Variants in CACNA1S observed in about 807,000 individuals in gnomAD.
CACNA1S encodes calcium voltage-gated channel subunit alpha1 S.
Under a neutral mutation model 207.4 loss-of-function variants are expected in CACNA1S, and 126 were observed. The ratio of observed to expected loss-of-function variants is 0.61; its 90% CI spans 0.53 to 0.70. The LOEUF is 0.70. CACNA1S is among the 30% of genes least tolerant of loss of function. CACNA1S has a pLI of 0.00. For synonymous variants in CACNA1S, 960 were observed against 932.7 expected (o/e 1.03, Z -0.53); for missense variants, 2,349 against 2,422.8 (o/e 0.97, Z 0.64).
Position 201,075,615 on chromosome 1 carries a change from C to G in CACNA1S, c.1828G>C (p.Val610Leu). ...FPQALISVFQVLTGEDWTSMM... is the reference protein window; with the variant it reads ...FPQALISVFQLLTGEDWTSMM... The stretch of plus-strand genomic sequence containing the variant: ...GAGGTCCAGTCTTCCCCTGTCAGTA[C>G]CTGTATGGAGGGAGGATAGAGGGCT... The change falls in exon 13 of 44, where the codon GTA becomes CTA. Residue 610 changes from valine to leucine, a missense_variant and splice_region_variant. By Grantham distance (32) the Val-to-Leu change is conservative. Transcript: ENST00000362061. 6.2e-7 allele frequency: 1 copy of G among 1,614,076 alleles called. No individual in the cohort carries two copies. Among genetic ancestry groups the G allele is most frequent in the Non-Finnish European group, 8.5e-7 (1 of 1,179,920 alleles).
At chr1:201,048,229 T>C (rs1660537261) in intron 36 of CACNA1S, among the ~76,000 whole-genome samples, 1 of 152,192 alleles carries the variant, frequency 6.6e-6, no homozygotes, top group Non-Finnish European at 1.5e-5. Context: ...TGGAGTCGAA[T>C]GTGGACTCCC....
Position 201,051,223 on chromosome 1 carries a change from G to T in CACNA1S, c.3954-80C>A, listed in dbSNP as rs146379117. 1,628 of 1,475,404 alleles carry T rather than the reference G, an allele frequency of 1.1e-3. 17 individuals are homozygous for T. The African/African-American group carries it at 0.02, about 18-fold the overall frequency. 91.4% of individuals were successfully genotyped at this position (1,475,404 alleles called of 1,614,324 possible). A position where few individuals can be genotyped will look rare whatever the true frequency, so the allele number is the denominator to read the frequency against. On this transcript the variant is annotated intron_variant, in intron 32 of 43. Transcript: ENST00000362061. ...AGGCTGGCAGTCAGGTGGCAGCAGG[G>T]TGTGGACAGATGAGCAAACTGGGGC...
Position 201,044,366 on chromosome 1 carries a change from C to G in CACNA1S, c.4759G>C (p.Ala1587Pro). Reference sequence around the variant, plus strand: ...TCCTCCATCGCAGCCTCCACCATGGCTCTCTCCAGCTCCTCCTCAGCAGCC... The same window carrying G: ...TCCTCCATCGCAGCCTCCACCATGGGTCTCTCCAGCTCCTCCTCAGCAGCC... ...DLAAEEELER[A>P]MVEAAMEEGI... Residue 1587 changes from alanine (A) to proline (P), a missense_variant, in exon 39 of 44, where the codon GCC becomes CCC. Ala to Pro is a conservative substitution (Grantham distance 27). Coordinates refer to ENST00000362061, the MANE Select transcript of CACNA1S (RefSeq NM_000069.3). 6.2e-7 allele frequency: 1 copy of G among 1,613,718 alleles called. No individual in the cohort carries two copies. The highest frequency in any genetic ancestry group is 1.1e-5 in the South Asian group (1 of 91,044).
Position 201,041,691 on chromosome 1 carries a change from A to G in CACNA1S, c.5049-102T>C, listed in dbSNP as rs924375546. 14 of 850,252 alleles carry G rather than the reference A, an allele frequency of 1.6e-5. No individual in the cohort carries two copies. In the African/African-American group the frequency reaches 2.0e-4, roughly 12 times the overall value. 52.7% of individuals were successfully genotyped at this position (850,252 alleles called of 1,614,324 possible). A position where few individuals can be genotyped will look rare whatever the true frequency, so the allele number is the denominator to read the frequency against. Reference sequence around the variant, plus strand: ...CATCCTTTTCCCTCAGAGCCTGTACAAGGCCAACCTAGTGTAGCAGCCGTG... The same window carrying G: ...CATCCTTTTCCCTCAGAGCCTGTACGAGGCCAACCTAGTGTAGCAGCCGTG... On this transcript the variant is annotated intron_variant, in intron 40 of 43. Coordinates refer to ENST00000362061, the MANE Select transcript of CACNA1S (RefSeq NM_000069.3).
chr1:201,092,247 G>A, intron 3 of CACNA1S, 133 bp from the exon 4 acceptor site: 1 of 841,826 alleles, frequency 1.2e-6, no homozygotes, highest in South Asian at 1.5e-5. Flanking sequence ...AAATACGGGT[G>A]CATCAACTAA....
chr1:201,052,150 G>A (rs376323558), intron 32 of CACNA1S, among the ~76,000 whole-genome samples: 2 of 152,162 alleles, frequency 1.3e-5, no homozygotes, highest in Non-Finnish European at 2.9e-5. Context: ...AGGCCCCTGC[G>A]CCCTACCTGT....
intron 29 of CACNA1S, among the ~76,000 whole-genome samples, chr1:201,054,082 A>C (rs994232461): frequency 5.9e-5 from 9 of 152,228 alleles, no homozygotes; most frequent in Non-Finnish European, 1.2e-4. Context: ...GGCTGTTCTA[A>C]GCCAGGCAAG....
chr1:201,109,138 C>T (rs1172573491), intron 2 of CACNA1S, among the ~76,000 whole-genome samples: 3 of 151,664 alleles, frequency 2.0e-5, no homozygotes, highest in Non-Finnish European at 2.9e-5. Flanking sequence ...ATCCCAGCTA[C>T]TTGGGAGGCT....
At chr1:201,102,540 C>T (rs1662716213) in intron 2 of CACNA1S, among the ~76,000 whole-genome samples, 2 of 152,202 alleles carry the variant, frequency 1.3e-5, no homozygotes. Flanking sequence ...TGCCCAGCTC[C>T]CACTGAGAGT....
At chr1:201,074,357 T>G in intron 14 of CACNA1S, 149 bp downstream of exon 14, 1 of 690,764 alleles carries the variant, frequency 1.4e-6, no homozygotes, top group Non-Finnish European at 2.7e-6. Context: ...GCCACCCCCA[T>G]GTGCAGGTTA....
At chr1:201,049,156 T>G in intron 34 of CACNA1S, 57 bp from the exon 35 acceptor site, 1 of 1,238,828 alleles carries the variant, frequency 8.1e-7, no homozygotes, top group Non-Finnish European at 1.2e-6. Flanking sequence ...GCCAGAACCT[T>G]TCTGCTCAGA....
At chr1:201,093,679 G>T (rs149604527) in intron 3 of CACNA1S, among the ~76,000 whole-genome samples, 1 of 152,274 alleles carries the variant, frequency 6.6e-6, no homozygotes, top group South Asian at 2.1e-4. Context: ...TTTGACCTGC[G>T]GGCAGGGTCG....
chr1:201,076,893 G>C, intron 12 of CACNA1S, 27 bp downstream of exon 12: 1 of 1,597,730 alleles, frequency 6.3e-7, no homozygotes, highest in African/African-American at 1.3e-5. Flanking sequence ...CCGTTCAGAA[G>C]GAGGGACACG....
Position 201,044,384 on chromosome 1 carries a change from C to T in CACNA1S, c.4741G>A (p.Glu1581Lys). The T allele has an allele frequency of 6.2e-7, 1 of 1,613,816 alleles. No individual in the cohort carries two copies. Among genetic ancestry groups the T allele is most frequent in the East Asian group, 2.2e-5 (1 of 44,872 alleles). ...ACCATGGCTCTCTCCAGCTCCTCCTCAGCAGCCAGGTCTCCTGAGACCGTG... is the reference window on the plus strand; with the variant it reads ...ACCATGGCTCTCTCCAGCTCCTCCTTAGCAGCCAGGTCTCCTGAGACCGTG... ...CRTVSGDLAAEEELERAMVEA... is the reference protein window; with the variant it reads ...CRTVSGDLAAKEELERAMVEA... Residue 1581 changes from glutamate (E) to lysine (K), a missense_variant, in exon 39 of 44, where the codon GAG becomes AAG. Glu to Lys is a moderately conservative substitution (Grantham distance 56). Transcript: ENST00000362061.
intron 31 of CACNA1S, 61 bp from the exon 32 acceptor site, chr1:201,052,709 C>T: frequency 7.4e-7 from 1 of 1,353,040 alleles, no homozygotes. Context: ...TCAGCTTATC[C>T]CCCACTGCCT....
chr1:201,041,313 G>T (rs780269865), intron 41 of CACNA1S, among the ~76,000 whole-genome samples, 191 bp downstream of exon 41: 1 of 152,180 alleles, frequency 6.6e-6, no homozygotes, highest in Non-Finnish European at 1.5e-5. Context: ...CCTAGATGGT[G>T]CCCTGCTTCC....
chr1:201,088,213 C>T (rs920801959), intron 6 of CACNA1S, among the ~76,000 whole-genome samples: 1 of 152,190 alleles, frequency 6.6e-6, no homozygotes, highest in Admixed American at 6.5e-5. Flanking sequence ...CTCCTATCTG[C>T]CTCCCTCACT....
Position 201,062,028 on chromosome 1 carries a change from C to T in CACNA1S, c.2969G>A (p.Trp990Ter), listed in dbSNP as rs1337522066. Residue 990 changes from tryptophan (W) to a stop codon, truncating the protein, a stop_gained, in exon 24 of 44, where the codon TGG (tryptophan) becomes TAG (stop). Transcript: ENST00000362061. LOFTEE classifies it high-confidence loss of function. ...PMQIELRHRE[W>*]VHSDFHFDNV... ...GTCGAAGTGGAAGTCGCTGTGTACC[C>T]ACTCGCGGTGACGCAGCTCTATCTG... The T allele has an allele frequency of 1.1e-5, 18 of 1,614,184 alleles. No individual in the cohort carries two copies. Among genetic ancestry groups the T allele is most frequent in the Non-Finnish European group, 1.4e-5 (17 of 1,180,010 alleles).
intron 31 of CACNA1S, 31 bp from the exon 32 acceptor site, chr1:201,052,679 A>G (rs751299865): frequency 6.4e-7 from 1 of 1,561,696 alleles, no homozygotes; most frequent in Admixed American, 1.7e-5. Flanking sequence ...TGACTGTGGA[A>G]CCTAGATTAA....
Sources: gnomAD v4.1 joint callset for allele counts (sites outside exome capture counted in the v4.1 genomes callset) on GRCh38, gnomAD v4.1.1 for gene constraint, MANE v1.5 for transcripts, NCBI Gene and HGNC (gene_info 2026-07-23, HGNC 2026-07-21) for gene names.